TNNI3K: variants seen among roughly 807,000 people sequenced by gnomAD.
The protein encoded by TNNI3K is TNNI3 interacting kinase.
In TNNI3K, 140 loss-of-function variants were observed where a neutral mutation model predicts 114.5. That is an observed-to-expected ratio of 1.22 (90% CI 1.07 to 1.41). The LOEUF (loss-of-function observed/expected upper bound fraction) is 1.41. TNNI3K is among the 40% of genes most tolerant of loss of function. The pLI, the probability that TNNI3K is intolerant of heterozygous loss-of-function variation, is 0.00. For missense variants in TNNI3K, 1,125 were observed against 1,007.6 expected, an observed-to-expected ratio of 1.12 and a Z score of -1.58; for synonymous variants, 347 against 347.5, an observed-to-expected ratio of 1.00 and a Z score of 0.02.
At chr1:74,384,042 G>A (rs556558338) in intron 17 of TNNI3K, among the ~76,000 whole-genome samples, 1 of 152,132 alleles carries the variant, frequency 6.6e-6, no homozygotes, top group Non-Finnish European at 1.5e-5. Context: ...CAAAATATAG[G>A]GATGTATAGT....
chr1:74,347,170 T>C lies in TNNI3K; in HGVS notation c.932+3991T>C, dbSNP rs188399637. Among the ~76,000 whole-genome samples, 409 of 101,610 alleles carry C rather than the reference T, an allele frequency of 4.0e-3. 2 individuals are homozygous for C. The highest frequency in any genetic ancestry group is 0.017 in the Admixed American group (120 of 6,904). The allele number at this position is 101,610 out of a possible 152,430, so 66.7% of individuals were successfully genotyped here. The stretch of plus-strand genomic sequence containing the variant: ...CCCCCCTCCCCCCACCCCACAACAG[T>C]CTCCGGTGTGTGATGCTCCCCTTCG... On this transcript the variant is annotated intron_variant, in intron 9 of 24. Coordinates refer to ENST00000326637, the MANE Select transcript of TNNI3K (RefSeq NM_015978.3).
At chr1:74,440,421 C>A (rs1264462523) in intron 20 of TNNI3K, among the ~76,000 whole-genome samples, 1 of 151,938 alleles carries the variant, frequency 6.6e-6, no homozygotes, top group Non-Finnish European at 1.5e-5. Context: ...CTAATGGCCA[C>A]CCTACAACAA....
intron 9 of TNNI3K, among the ~76,000 whole-genome samples, chr1:74,351,480 G>A (rs1337962543): frequency 3.3e-5 from 5 of 151,904 alleles, no homozygotes; most frequent in South Asian, 2.1e-4. Context: ...TCTTTGTGGC[G>A]TTCTCTGTAT....
At chr1:74,251,057 G>A (rs770979530) in intron 4 of TNNI3K, among the ~76,000 whole-genome samples, 3 of 152,104 alleles carry the variant, frequency 2.0e-5, no homozygotes, top group Non-Finnish European at 4.4e-5. Context: ...GGGTTAGCCA[G>A]GATTTAAGAC....
At chr1:74,352,508 C>T (rs1036076156) in intron 9 of TNNI3K, among the ~76,000 whole-genome samples, 1 of 152,198 alleles carries the variant, frequency 6.6e-6, no homozygotes, top group Non-Finnish European at 1.5e-5. Flanking sequence ...CAGACAGGGA[C>T]ATTTAAGTCT....
chr1:74,240,331 A>T (rs1180180754), intron 2 of TNNI3K: 3 of 153,368 alleles, frequency 2.0e-5, no homozygotes, highest in Non-Finnish European at 4.4e-5. Context: ...AGTGTCTGGC[A>T]CATGGCAAAC....
At chr1:74,356,438 C>G (rs1010617812) in intron 11 of TNNI3K, among the ~76,000 whole-genome samples, 2 of 152,092 alleles carry the variant, frequency 1.3e-5, no homozygotes, top group Non-Finnish European at 2.9e-5. Context: ...AGCTCTATAT[C>G]TTAATATCAA....
intron 17 of TNNI3K, among the ~76,000 whole-genome samples, chr1:74,380,591 T>C (rs193103890): frequency 2.7e-4 from 41 of 152,292 alleles, no homozygotes; most frequent in Admixed American, 1.6e-3. Context: ...CCTGCAATTT[T>C]CTGGTGTTAC....
chr1:74,483,036 G>A (rs1478165233), intron 21 of TNNI3K, among the ~76,000 whole-genome samples: 1 of 152,164 alleles, frequency 6.6e-6, no homozygotes, highest in African/African-American at 2.4e-5. Context: ...TTTTGCAATA[G>A]CAAAATAACT....
chr1:74,529,181 G>C (rs1448240809), intron 23 of TNNI3K, among the ~76,000 whole-genome samples: 1 of 152,090 alleles, frequency 6.6e-6, no homozygotes, highest in African/African-American at 2.4e-5. Context: ...TAATTACAAA[G>C]AGAAAAAGAG....
chr1:74,525,340 T>G (rs1255921156), intron 23 of TNNI3K, among the ~76,000 whole-genome samples: 5 of 152,198 alleles, frequency 3.3e-5, no homozygotes, highest in African/African-American at 1.2e-4. Context: ...AGTATTGTTA[T>G]TGTCCTCATG....
intron 19 of TNNI3K, among the ~76,000 whole-genome samples, chr1:74,438,838 T>C (rs1409379433): frequency 2.0e-5 from 3 of 152,116 alleles, no homozygotes; most frequent in Non-Finnish European, 4.4e-5. Context: ...GGGCTTCCTT[T>C]CTGGAATATT....
intron 17 of TNNI3K, among the ~76,000 whole-genome samples, chr1:74,392,438 G>A (rs1028523497): frequency 3.9e-4 from 60 of 152,224 alleles, no homozygotes; most frequent in African/African-American, 1.3e-3. Context: ...TTAACTCCTC[G>A]TCTCTGACTC....
chr1:74,342,822 T>C lies in TNNI3K; in HGVS notation c.683-20T>C, dbSNP rs1212967082. On this transcript the variant is annotated intron_variant, in intron 7 of 24. Transcript: ENST00000326637. The stretch of plus-strand genomic sequence containing the variant: ...AAACAATTCTAGATAACATATCTTT[T>C]TCTTTCTTGCTGATAACAGTGAATG... 1.6e-5 allele frequency: 26 copies of C among 1,612,876 alleles called. No homozygotes were observed. The highest frequency in any genetic ancestry group is 2.0e-5 in the Non-Finnish European group (24 of 1,179,646).
intron 20 of TNNI3K, among the ~76,000 whole-genome samples, chr1:74,446,183 A>G (rs1394823017): frequency 2.0e-5 from 3 of 151,974 alleles, no homozygotes; most frequent in South Asian, 2.1e-4. Context: ...CTGTTTCTCC[A>G]CATCCTCTCC....
At chr1:74,289,615 GTCC>G (rs1657551732) in intron 5 of TNNI3K, among the ~76,000 whole-genome samples, 1 of 151,662 alleles carries the variant, frequency 6.6e-6, no homozygotes, top group Non-Finnish European at 1.5e-5. Flanking sequence ...CTGAATTACA[GTCC>G]TGTGCTATAT....
At chr1:74,463,956 A>G (rs1369057705) in intron 21 of TNNI3K, among the ~76,000 whole-genome samples, 2 of 152,186 alleles carry the variant, frequency 1.3e-5, no homozygotes, top group African/African-American at 4.8e-5. Context: ...GCACTGGCTC[A>G]CGTAGGAGGC....
chr1:74,503,114 A>G (rs1205565504), intron 23 of TNNI3K, among the ~76,000 whole-genome samples: 2 of 152,182 alleles, frequency 1.3e-5, no homozygotes, highest in Non-Finnish European at 2.9e-5. Context: ...AAATGCAGTC[A>G]ATGAATGAAA....
At chr1:74,277,465 C>G (rs55968379) in intron 5 of TNNI3K, among the ~76,000 whole-genome samples, 4,454 of 152,194 alleles carry the variant, frequency 0.029, 200 homozygotes, top group African/African-American at 0.1. Flanking sequence ...AAAGCCCAAG[C>G]ATTACTACAT....
Sources: allele counts gnomAD v4.1 joint callset (sites outside exome capture counted in the v4.1 genomes callset), GRCh38; gene constraint gnomAD v4.1.1; transcripts MANE v1.5; gene names NCBI Gene and HGNC (gene_info 2026-07-23, HGNC 2026-07-21).